NECAB1: variants seen among roughly 807,000 people sequenced by gnomAD.
NECAB1 encodes N-terminal EF-hand calcium binding protein 1.
In NECAB1, 29 loss-of-function variants were observed where a neutral mutation model predicts 57.5. That is an observed-to-expected ratio of 0.50 (90% confidence interval 0.38 to 0.69). NECAB1 has a LOEUF of 0.69. Among genes scored for constraint, NECAB1 ranks in the 30% least tolerant of loss-of-function variants. The pLI is 0.00. For synonymous variants in NECAB1, 142 were observed against 147.7 expected (o/e 0.96, Z 0.28); for missense variants, 372 against 413.8 (o/e 0.90, Z 0.88).
At chr8:90,925,441 G>C (rs528989312) in intron 6 of NECAB1, 94 bp from the exon 7 acceptor site, 11 of 1,432,968 alleles carry the variant, frequency 7.7e-6, no homozygotes, top group South Asian at 2.6e-5. Context: ...TGCTGCACTA[G>C]AAAACCTTTA....
chr8:90,850,799 T>C (rs906299510), intron 3 of NECAB1, among the ~76,000 whole-genome samples: 7 of 152,228 alleles, frequency 4.6e-5, no homozygotes, highest in African/African-American at 1.7e-4. Flanking sequence ...GTTTCTGGCA[T>C]AGAGCTTCTA....
At chr8:90,841,535 T>A (rs1294083687) in intron 3 of NECAB1, among the ~76,000 whole-genome samples, 2 of 152,196 alleles carry the variant, frequency 1.3e-5, no homozygotes, top group Non-Finnish European at 2.9e-5. Context: ...ACATTTTTAA[T>A]AATAGGAGAA....
At chr8:90,928,648 G>A (rs943409934) in intron 8 of NECAB1, among the ~76,000 whole-genome samples, 1 of 152,184 alleles carries the variant, frequency 6.6e-6, no homozygotes, top group Admixed American at 6.5e-5. Context: ...ATAATATGTT[G>A]AAGGGATAAC....
At chr8:90,809,383 A>C (rs1811913679) in intron 2 of NECAB1, among the ~76,000 whole-genome samples, 1 of 152,230 alleles carries the variant, frequency 6.6e-6, no homozygotes, top group Non-Finnish European at 1.5e-5. Flanking sequence ...CCAAACCTTC[A>C]ACCCTAATTA....
At position 90,847,027 on chromosome 8, in the gene NECAB1, A is replaced by G. The variant is rs867216615; in HGVS notation, c.233+22202A>G. 1.2e-4 allele frequency among the ~76,000 whole-genome samples: 19 copies of G among 152,276 alleles called. No homozygotes were observed. In the Middle Eastern group the frequency reaches 0.014, roughly 109 times the overall value. On this transcript the variant is annotated intron_variant, in intron 3 of 12. Transcript: ENST00000417640. ...ATGGTACCCTTCCAACAGTCCCCCA[A>G]AGTCTTAACTCATTCCAGTATTAAT...
At chr8:90,894,657 T>G (rs534650207) in intron 5 of NECAB1, among the ~76,000 whole-genome samples, 31 of 152,218 alleles carry the variant, frequency 2.0e-4, no homozygotes, top group Non-Finnish European at 4.3e-4. Context: ...ATTCTCAAGT[T>G]TCATACTTTG....
At chr8:90,887,141 C>T (rs1425689794) in intron 5 of NECAB1, among the ~76,000 whole-genome samples, 9 of 152,138 alleles carry the variant, frequency 5.9e-5, no homozygotes, top group Admixed American at 4.6e-4. Flanking sequence ...GATATTACAG[C>T]TTGAACATCG....
At chr8:90,940,718 C>A in intron 9 of NECAB1, 68 bp from the exon 10 acceptor site, 1 of 1,129,386 alleles carries the variant, frequency 8.9e-7, no homozygotes, top group Non-Finnish European at 1.3e-6. Context: ...ATGGGATGGG[C>A]AGTAGGAGTC....
chr8:90,825,996 G>C (rs1349947685), intron 3 of NECAB1, among the ~76,000 whole-genome samples: 2 of 151,782 alleles, frequency 1.3e-5, no homozygotes, highest in Non-Finnish European at 2.9e-5. Context: ...GCTATGTACA[G>C]GACACTTTTG....
chr8:90,801,741 A>T, intron 2 of NECAB1, 26 bp downstream of exon 2: 1 of 1,447,664 alleles, frequency 6.9e-7, no homozygotes, highest in Non-Finnish European at 9.4e-7. Context: ...TACAGTATCT[A>T]TTTATTAATC....
intron 9 of NECAB1, among the ~76,000 whole-genome samples, chr8:90,938,916 C>G (rs945314473): frequency 5.3e-5 from 8 of 152,134 alleles, no homozygotes; most frequent in African/African-American, 1.9e-4. Context: ...CACATGGGCT[C>G]CTTGTATCTC....
At chr8:90,854,318 ATGTC>A (rs2129787306) in intron 3 of NECAB1, among the ~76,000 whole-genome samples, 1 of 152,248 alleles carries the variant, frequency 6.6e-6, no homozygotes, top group African/African-American at 2.4e-5. Flanking sequence ...TGAAAACGCT[ATGTC>A]TGTAATTGAA....
intron 4 of NECAB1, among the ~76,000 whole-genome samples, chr8:90,878,106 G>A (rs892920053): frequency 4.6e-5 from 7 of 151,284 alleles, no homozygotes; most frequent in African/African-American, 7.3e-5. Context: ...GCACAATTTC[G>A]GCTCACTGCA....
rs1421881733 is a variant in NECAB1, at chr8:90,791,926, T to A, written c.40T>A (p.Ser14Thr). Residue 14 changes from serine (S) to threonine (T), a missense_variant, in exon 1 of 13, where the codon TCC (serine) becomes ACC (threonine). Ser to Thr is a moderately conservative substitution (Grantham distance 58, BLOSUM62 1). Transcript: ENST00000417640. Reference protein sequence around the residue: ...SQETSPSSNNSSEELSSALHL... With the variant: ...SQETSPSSNNTSEELSSALHL... ...GGAGACATCGCCGTCCTCCAACAAC[T>A]CCTCGGAGGAGCTCAGCTCTGCTCT... The A allele has an allele frequency of 6.4e-7, 1 of 1,552,290 alleles. No individual in the cohort carries two copies. Among genetic ancestry groups the A allele is most frequent in the South Asian group, 1.2e-5 (1 of 84,088 alleles).
chr8:90,802,457 G>GT, intron 2 of NECAB1, among the ~76,000 whole-genome samples: 1 of 152,086 alleles, frequency 6.6e-6, no homozygotes, highest in Non-Finnish European at 1.5e-5. Flanking sequence ...TTTTTGTTTT[G>GT]TTTTGTTTTT....
At chr8:90,925,783 G>A in intron 7 of NECAB1, 127 bp downstream of exon 7, 3 of 1,295,528 alleles carry the variant, frequency 2.3e-6, no homozygotes, top group South Asian at 2.8e-5. Flanking sequence ...AAGTAAGTTT[G>A]AGACAGAAGC....
chr8:90,951,348 TG>T (rs565630724), intron 12 of NECAB1, 144 bp downstream of exon 12: 16 of 536,918 alleles, frequency 3.0e-5, no homozygotes, highest in Admixed American at 4.2e-5. Flanking sequence ...GATTTGAGAT[TG>T]GGGGGAAGAA....
intron 5 of NECAB1, among the ~76,000 whole-genome samples, chr8:90,881,930 C>T (rs185205572): frequency 3.2e-3 from 482 of 152,222 alleles, no homozygotes; most frequent in African/African-American, 0.011. Context: ...GGGAACAGCA[C>T]GTGCAGAGGC....
rs1330294851 is a variant in NECAB1, at chr8:90,865,035, T to A, written c.234-7093T>A. 3.9e-5 allele frequency among the ~76,000 whole-genome samples: 6 copies of A among 152,126 alleles called. No individual in the cohort carries two copies. In the East Asian group the frequency reaches 1.2e-3, roughly 30 times the overall value. On this transcript the variant is annotated intron_variant, in intron 3 of 12. Transcript: ENST00000417640. ...ATCAACAGCCCCACTGGAAGCACAT[T>A]GTTAAGGGCAAGTTCCCCAGTGATA...
Sources: gnomAD v4.1 joint callset for allele counts (sites outside exome capture counted in the v4.1 genomes callset) on GRCh38, gnomAD v4.1.1 for gene constraint, MANE v1.5 for transcripts, NCBI Gene and HGNC (gene_info 2026-07-23, HGNC 2026-07-21) for gene names.